NAPG: variants seen among roughly 807,000 people sequenced by gnomAD.
NAPG encodes NSF attachment protein gamma.
NAPG carries 25 observed loss-of-function variants against 48.4 expected under a neutral mutation model. The ratio of observed to expected loss-of-function variants is 0.52; its 90% confidence interval spans 0.38 to 0.72. NAPG has a LOEUF of 0.72. Ranked by LOEUF, NAPG falls within the 30% of genes least tolerant of loss-of-function variation. The probability of loss-of-function intolerance (pLI) is 0.00; values close to 1 mark genes in which losing one functional copy is unlikely to be tolerated. For synonymous variants in NAPG, 139 were observed against 127.2 expected, an observed-to-expected ratio of 1.09 and a Z score of -0.62; for missense variants, 359 against 372.5, an observed-to-expected ratio of 0.96 and a Z score of 0.30.
Position 10,548,303 on chromosome 18 carries a change from C to G in NAPG, c.590C>G (p.Thr197Arg), listed in dbSNP as rs1378018553. Reference sequence around the variant, plus strand: ...TGATCCTCTCTTTTGTTTTAGAAAACAATTGCTCAAGTCTTAGTTCATCTA... The same window carrying G: ...TGATCCTCTCTTTTGTTTTAGAAAAGAATTGCTCAAGTCTTAGTTCATCTA... ...IENYPTCYKK[T>R]IAQVLVHLHR... The change falls in exon 10 of 12, where the codon ACA becomes AGA. Residue 197 changes from threonine to arginine, a missense_variant. Transcript: ENST00000322897. This position sits in a 1 kb window ranked among gnomAD's most constrained non-coding sequence, Gnocchi z 4.4. The G allele has an allele frequency of 6.2e-7, 1 of 1,611,334 alleles. No homozygotes were observed.
chr18:10,551,795 G>A lies in NAPG; in HGVS notation c.*1575G>A, dbSNP rs1307653478. 1 of 152,160 alleles carries A rather than the reference G, an allele frequency of 6.6e-6. No individual in the cohort carries two copies. The highest frequency in any genetic ancestry group is 2.1e-4 in the South Asian group (1 of 4,824). The allele number at this position is 152,160 out of a possible 1,614,324, so 9.4% of individuals were successfully genotyped here. On this transcript the variant is annotated 3_prime_UTR_variant, in exon 12 of 12. Transcript: ENST00000322897. ...TTTGGGAGGTGGTCTCGGGTGCGTG[G>A]ATGTTGGTATACAGTCTTTATTGTA...
chr18:10,532,824 T>G, intron 3 of NAPG, 29 bp downstream of exon 3: 1 of 1,496,028 alleles, frequency 6.7e-7, no homozygotes, highest in Non-Finnish European at 9.0e-7. Flanking sequence ...AAAAAGAAAT[T>G]AAACAATTAG....
chr18:10,545,069 TG>T (rs1307524300), intron 8 of NAPG, among the ~76,000 whole-genome samples: 3 of 152,102 alleles, frequency 2.0e-5, no homozygotes, highest in Admixed American at 2.0e-4. Context: ...CCCAGCACTT[TG>T]GGGGGCTGAG....
In NAPG at chr18:10,548,315, T is replaced by C; in HGVS notation, c.602T>C (p.Val201Ala). The change falls in exon 10 of 12, where the codon GTC becomes GCC. Residue 201 changes from valine (V) to alanine (A), a missense_variant. By Grantham distance (64) the Val-to-Ala change is moderately conservative. Coordinates refer to ENST00000322897, the MANE Select transcript of NAPG (RefSeq NM_003826.3). This position sits in a 1 kb window ranked among gnomAD's most constrained non-coding sequence, Gnocchi z 4.4. The part of the protein sequence containing the change: ...PTCYKKTIAQ[V>A]LVHLHRNDYV... ...TTGTTTTAGAAAACAATTGCTCAAG[T>C]CTTAGTTCATCTACACAGAAATGAC... The C allele has an allele frequency of 6.2e-7, 1 of 1,613,190 alleles. No individual in the cohort carries two copies. Among genetic ancestry groups the C allele is most frequent in the South Asian group, 1.1e-5 (1 of 91,038 alleles).
chr18:10,541,137 C>T (rs2032148228), intron 8 of NAPG, among the ~76,000 whole-genome samples: 1 of 152,162 alleles, frequency 6.6e-6, no homozygotes, highest in African/African-American at 2.4e-5. Context: ...ATTTTTTCTT[C>T]ATGAAGACTG....
intron 5 of NAPG, among the ~76,000 whole-genome samples, chr18:10,535,392 A>G (rs1289802748): frequency 6.6e-6 from 1 of 152,358 alleles, no homozygotes; most frequent in Admixed American, 6.5e-5. Flanking sequence ...TGAGTCTATC[A>G]TCGAGAGAGA....
chr18:10,537,733 T>C (rs1457679685), intron 5 of NAPG, among the ~76,000 whole-genome samples: 1 of 152,198 alleles, frequency 6.6e-6, no homozygotes, highest in African/African-American at 2.4e-5. Context: ...GACTTTTGGT[T>C]TTATAACAAA....
At chr18:10,531,545 A>G (rs991301230) in intron 2 of NAPG, among the ~76,000 whole-genome samples, 1 of 152,212 alleles carries the variant, frequency 6.6e-6, no homozygotes, top group Non-Finnish European at 1.5e-5. Flanking sequence ...TTAGCCTAGC[A>G]TAGAGATCAT....
chr18:10,530,813 G>T lies in NAPG; in HGVS notation c.100G>T (p.Ala34Ser). ...AAAATGGAAGCCAGATTATGACAGTGCCGCTTCTGAATATGGAAAAGCAGG... is the reference window on the plus strand; with the variant it reads ...AAAATGGAAGCCAGATTATGACAGTTCCGCTTCTGAATATGGAAAAGCAGG... ...FLKWKPDYDS[A>S]ASEYGKAAVA... Residue 34 changes from alanine (A) to serine (S), a missense_variant, in exon 2 of 12, where the codon GCC (alanine) becomes TCC (serine). Transcript: ENST00000322897. 6.3e-7 allele frequency: 1 copy of T among 1,585,554 alleles called. No individual in the cohort carries two copies. The highest frequency in any genetic ancestry group is 8.6e-7 in the Non-Finnish European group (1 of 1,166,804).
chr18:10,527,903 A>G (rs2031852564), intron 1 of NAPG, among the ~76,000 whole-genome samples: 1 of 152,198 alleles, frequency 6.6e-6, no homozygotes, highest in Admixed American at 6.5e-5. Flanking sequence ...ATGTGGCAGC[A>G]GGCTGGGCCC....
chr18:10,527,205 A>AG (rs2031836621), intron 1 of NAPG, among the ~76,000 whole-genome samples: 1 of 150,648 alleles, frequency 6.6e-6, no homozygotes, highest in Non-Finnish European at 1.5e-5. Context: ...AAAAAAAAAA[A>AG]GAAAAGAAAA....
In NAPG at chr18:10,534,456, C is replaced by T. The variant is rs1598409864; in HGVS notation, c.228-10C>T. The T allele has an allele frequency of 6.2e-7, 1 of 1,612,756 alleles. No individual in the cohort carries two copies. Among genetic ancestry groups the T allele is most frequent in the East Asian group, 2.2e-5 (1 of 44,778 alleles). On this transcript the variant is annotated splice_polypyrimidine_tract_variant and intron_variant, in intron 4 of 11. Coordinates refer to ENST00000322897, the MANE Select transcript of NAPG (RefSeq NM_003826.3). The surrounding 1 kb of genome is among the most constrained non-coding windows in gnomAD (Gnocchi z 5.0). Reference sequence around the variant, plus strand: ...AAGATCTCATCAGAGAAATTATATTCTCTTTGCAGAGCTTATGAGCAAGCT... The same window carrying T: ...AAGATCTCATCAGAGAAATTATATTTTCTTTGCAGAGCTTATGAGCAAGCT...
Position 10,526,126 on chromosome 18 carries a change from G to C in NAPG, c.24G>C (p.Glu8Asp). The C allele has an allele frequency of 6.2e-7, 1 of 1,613,770 alleles. No individual in the cohort carries two copies. Among genetic ancestry groups the C allele is most frequent in the Non-Finnish European group, 8.5e-7 (1 of 1,179,732 alleles). ...AGATGGCGGCTCAGAAGATAAACGA[G>C]GGGCTGGAACACCTCGCCAAAGCAG... MAAQKIN[E>D]GLEHLAKAEK... Residue 8 changes from glutamate to aspartate, a missense_variant, in exon 1 of 12, where the codon GAG (glutamate) becomes GAC (aspartate). Glu to Asp is a conservative substitution (Grantham distance 45). Coordinates refer to ENST00000322897, the MANE Select transcript of NAPG (RefSeq NM_003826.3).
In NAPG at chr18:10,550,098, T is replaced by C. The variant is rs773281328; in HGVS notation, c.817T>C (p.Leu273=). 9 of 1,568,952 alleles carry C rather than the reference T, an allele frequency of 5.7e-6. No homozygotes were observed. The highest frequency in any genetic ancestry group is 6.9e-6 in the Non-Finnish European group (8 of 1,162,634). Reference sequence around the variant, plus strand: ...ACAGTATGCTAAGCTGGGCCTGAGTTTGGTGGTTCCAGGAGGGGGAATCAA... The same window carrying C: ...ACAGTATGCTAAGCTGGGCCTGAGTCTGGTGGTTCCAGGAGGGGGAATCAA... ...DNDYAKLGLS[L]VVPGGGIKKK... Residue 273 remains leucine, a synonymous_variant, in exon 12 of 12, where the codon TTG becomes CTG. Coordinates refer to ENST00000322897, the MANE Select transcript of NAPG (RefSeq NM_003826.3).
Position 10,544,252 on chromosome 18 carries a change from C to T in NAPG, c.507-2074C>T, listed in dbSNP as rs1286316846. Among the ~76,000 whole-genome samples, 1 of 152,208 alleles carries T rather than the reference C, an allele frequency of 6.6e-6. No individual in the cohort carries two copies. The highest frequency in any genetic ancestry group is 2.4e-5 in the African/African-American group (1 of 41,440). ...ACAAACTTAGCAGCTTAAAACAGTACTCACTGATTAGCTCACAGTTTCATG... is the reference window on the plus strand; with the variant it reads ...ACAAACTTAGCAGCTTAAAACAGTATTCACTGATTAGCTCACAGTTTCATG... On this transcript the variant is annotated intron_variant, in intron 8 of 11. Coordinates refer to ENST00000322897, the MANE Select transcript of NAPG (RefSeq NM_003826.3). The surrounding 1 kb of genome is among the most constrained non-coding windows in gnomAD (Gnocchi z 5.1).
Position 10,542,130 on chromosome 18 carries a change from C to G in NAPG, c.506+1731C>G, listed in dbSNP as rs2032169542. On this transcript the variant is annotated intron_variant, in intron 8 of 11. Transcript: ENST00000322897. The surrounding 1 kb of genome is among the most constrained non-coding windows in gnomAD (Gnocchi z 4.5). ...CAAAGCCTCAGCAGAGGGGAGAATG[C>G]TAGTTGAGTGAGCAGCAGAAGTGAG... Among the ~76,000 whole-genome samples, 1 of 152,006 alleles carries G rather than the reference C, an allele frequency of 6.6e-6. No homozygotes were observed. Among genetic ancestry groups the G allele is most frequent in the South Asian group, 2.1e-4 (1 of 4,812 alleles).
rs1396235535 is a variant in NAPG, at chr18:10,550,577, A to G, written c.*357A>G. ...ATTCTCTCTTGGACACTTGTAAGTT[A>G]CTGTTAGTGAATTGTTTTTTACGTT... On this transcript the variant is annotated 3_prime_UTR_variant, in exon 12 of 12. Transcript: ENST00000322897. 2 of 160,022 alleles carry G rather than the reference A, an allele frequency of 1.2e-5. No homozygotes were observed. The highest frequency in any genetic ancestry group is 2.7e-5 in the Non-Finnish European group (2 of 73,362). The allele number at this position is 160,022 out of a possible 1,614,324, so 9.9% of individuals were successfully genotyped here. A position where few individuals can be genotyped will look rare whatever the true frequency, so the allele number is the denominator to read the frequency against.
rs1377535773 is a variant in NAPG at position 10,543,161 on chromosome 18, G to GA, written c.506+2769dup. On this transcript the variant is annotated intron_variant, in intron 8 of 11. Coordinates refer to ENST00000322897, the MANE Select transcript of NAPG (RefSeq NM_003826.3). The surrounding 1 kb of genome is among the most constrained non-coding windows in gnomAD (Gnocchi z 4.4). ...AAAAAAAAAAAAAAAGAAAAGAAAA[G>GA]AAAAAAAGACCTTTCCAGCAAGTTG... Among the ~76,000 whole-genome samples the GA allele has an allele frequency of 6.7e-6, 1 of 150,254 alleles. No individual in the cohort carries two copies. Among genetic ancestry groups the GA allele is most frequent in the Non-Finnish European group, 1.5e-5 (1 of 67,594 alleles).
In NAPG at chr18:10,534,536, G is replaced by T; in HGVS notation, c.258+40G>T. ...GTCACAATTGTTGTGTAGGTAAAAT[G>T]AATTAACTACAAGGTGTTAAACAAG... On this transcript the variant is annotated intron_variant, in intron 5 of 11. Transcript: ENST00000322897. This position sits in a 1 kb window ranked among gnomAD's most constrained non-coding sequence, Gnocchi z 5.0. 3 of 1,585,734 alleles carry T rather than the reference G, an allele frequency of 1.9e-6. No homozygotes were observed. Among genetic ancestry groups the T allele is most frequent in the Non-Finnish European group, 1.7e-6 (2 of 1,154,550 alleles).
Sources: allele counts gnomAD v4.1 joint callset (sites outside exome capture counted in the v4.1 genomes callset), GRCh38; gene constraint gnomAD v4.1.1; non-coding constraint Gnocchi (gnomAD v3.1); transcripts MANE v1.5; gene names NCBI Gene and HGNC (gene_info 2026-07-23, HGNC 2026-07-21).